SLC38A9: variants seen among roughly 807,000 people sequenced by gnomAD.
SLC38A9 encodes neutral amino acid transporter 9.
SLC38A9 carries 48 observed loss-of-function variants against 62.3 expected under a neutral mutation model. That is an observed-to-expected ratio of 0.77 (90% confidence interval 0.61 to 0.98). SLC38A9 has a LOEUF of 0.98. Ranked by LOEUF, SLC38A9 falls within the 50% of genes least tolerant of loss-of-function variation. The pLI is 0.00. For missense variants in SLC38A9, 541 were observed against 679.8 expected, an observed-to-expected ratio of 0.80 and a Z score of 2.27; for synonymous variants, 204 against 227.7, an observed-to-expected ratio of 0.90 and a Z score of 0.94.
At chr5:55,632,299 A>G (rs112687568) in intron 14 of SLC38A9, among the ~76,000 whole-genome samples, 5,956 of 152,124 alleles carry the variant, frequency 0.039, 155 homozygotes, top group African/African-American at 0.082. Context: ...TTAGCCGGGC[A>G]TGGTGGTGGG....
intron 7 of SLC38A9, among the ~76,000 whole-genome samples, chr5:55,667,493 T>C (rs1313874254): frequency 6.6e-6 from 1 of 152,186 alleles, no homozygotes; most frequent in African/African-American, 2.4e-5. Flanking sequence ...TTTGTTAATG[T>C]AGTGAATTAT....
intron 3 of SLC38A9, among the ~76,000 whole-genome samples, chr5:55,680,114 T>A (rs960206349): frequency 3.3e-5 from 5 of 151,916 alleles, no homozygotes; most frequent in Admixed American, 6.6e-5. Flanking sequence ...GAAATAAAAG[T>A]GGGGAATAAG....
chr5:55,690,068 C>A (rs1754505295), intron 3 of SLC38A9, among the ~76,000 whole-genome samples: 1 of 151,986 alleles, frequency 6.6e-6, no homozygotes, highest in South Asian at 2.1e-4. Flanking sequence ...TATATAAGGA[C>A]AATGAATTTG....
chr5:55,680,949 C>T (rs998037393), intron 3 of SLC38A9, among the ~76,000 whole-genome samples: 1 of 152,184 alleles, frequency 6.6e-6, no homozygotes, highest in African/African-American at 2.4e-5. Flanking sequence ...GTGAAACCTG[C>T]CCTGCCAACT....
intron 11 of SLC38A9, 89 bp downstream of exon 11, chr5:55,649,117 TA>T (rs35843566): frequency 0.62 from 347,958 of 557,488 alleles, 107,685 homozygotes; most frequent in South Asian, 0.67. Context: ...ATGCTCAGCA[TA>T]AAAAAAAAAT....
intron 12 of SLC38A9, among the ~76,000 whole-genome samples, chr5:55,641,671 T>G (rs910870967): frequency 6.6e-6 from 1 of 152,274 alleles, no homozygotes; most frequent in Non-Finnish European, 1.5e-5. Flanking sequence ...ATCCATTTTT[T>G]GTAAAATATC....
intron 2 of SLC38A9, among the ~76,000 whole-genome samples, chr5:55,710,366 C>G (rs1014287469): frequency 6.6e-6 from 1 of 151,802 alleles, no homozygotes; most frequent in Non-Finnish European, 1.5e-5. Context: ...TACCACCACA[C>G]CTGGCTGATT....
Position 55,697,978 on chromosome 5 carries a change from C to T in SLC38A9, c.-20G>A, listed in dbSNP as rs898433082. On this transcript the variant is annotated 5_prime_UTR_variant, in exon 3 of 16. In the 5' UTR this introduces an upstream ATG that the reference lacks. Transcript: ENST00000396865. Reference sequence around the variant, plus strand: ...TGCCATTTTTCTCACACTCTAAGCACTGAAGAAGTTAGTCCTACACAAAGA... The same window carrying T: ...TGCCATTTTTCTCACACTCTAAGCATTGAAGAAGTTAGTCCTACACAAAGA... 2.2e-5 allele frequency: 28 copies of T among 1,294,970 alleles called. No individual in the cohort carries two copies. Among genetic ancestry groups the T allele is most frequent in the Middle Eastern group, 1.8e-4 (1 of 5,434 alleles). The allele number at this position is 1,294,970 out of a possible 1,614,324, so 80.2% of individuals were successfully genotyped here.
intron 8 of SLC38A9, among the ~76,000 whole-genome samples, chr5:55,657,219 C>T (rs908252180): frequency 6.6e-6 from 1 of 152,114 alleles, no homozygotes; most frequent in Non-Finnish European, 1.5e-5. Context: ...CATAGCTTCA[C>T]CTTCTATAGT....
intron 2 of SLC38A9, among the ~76,000 whole-genome samples, chr5:55,705,442 AAAAAAAAAAG>A (rs1169557156): frequency 6.6e-6 from 1 of 150,486 alleles, no homozygotes; most frequent in Non-Finnish European, 1.5e-5. Flanking sequence ...CATATTACAA[AAAAAAAAAAG>A]AAAGAAAGAA....
At chr5:55,676,376 G>A (rs971149447) in intron 3 of SLC38A9, among the ~76,000 whole-genome samples, 3 of 152,018 alleles carry the variant, frequency 2.0e-5, no homozygotes, top group East Asian at 1.9e-4. Context: ...ACAGGGTCTC[G>A]CCATATTGCC....
intron 3 of SLC38A9, 37 bp from the exon 4 acceptor site, chr5:55,672,732 G>T: frequency 6.3e-7 from 1 of 1,585,624 alleles, no homozygotes; most frequent in Non-Finnish European, 8.6e-7. Flanking sequence ...AAAGTGTTCA[G>T]CCAAAAATTC....
chr5:55,643,972 A>T (rs1438544735), intron 12 of SLC38A9, among the ~76,000 whole-genome samples: 1 of 144,288 alleles, frequency 6.9e-6, no homozygotes, highest in Non-Finnish European at 1.6e-5. Context: ...TTATTTATTT[A>T]TTTTTTGAGA....
intron 2 of SLC38A9, among the ~76,000 whole-genome samples, chr5:55,705,449 AAAG>A (rs1312969155): frequency 4.5e-4 from 68 of 150,954 alleles, no homozygotes; most frequent in African/African-American, 8.4e-4. Context: ...CAAAAAAAAA[AAAG>A]AAAGAAAGAA....
chr5:55,667,062 GT>G (rs1489513937), intron 7 of SLC38A9, among the ~76,000 whole-genome samples: 1 of 152,086 alleles, frequency 6.6e-6, no homozygotes, highest in East Asian at 1.9e-4. Context: ...AGGCGTGGTG[GT>G]GGGCGCCTGT....
rs62363572 is a variant in SLC38A9, at chr5:55,695,474, T to C, written c.113+2372A>G. 6.4e-5 allele frequency among the ~76,000 whole-genome samples: 6 copies of C among 93,806 alleles called. 1 individual carries two copies. In the East Asian group the frequency reaches 1.0e-3, roughly 16 times the overall value. The allele number at this position is 93,806 out of a possible 152,430, so 61.5% of individuals were successfully genotyped here. A position where few individuals can be genotyped will look rare whatever the true frequency, so the allele number is the denominator to read the frequency against. ...ATTAGGGAGTGGTGATGGCTCTTAA[T>C]GAGCATGCTGCCTTCAAGCATCTGT... is the stretch of plus-strand genomic sequence containing the variant. On this transcript the variant is annotated intron_variant, in intron 3 of 15. Transcript: ENST00000396865.
chr5:55,701,296 A>T (rs560823552), intron 2 of SLC38A9, among the ~76,000 whole-genome samples: 1 of 152,298 alleles, frequency 6.6e-6, no homozygotes, highest in South Asian at 2.1e-4. Context: ...GCTAGATGTA[A>T]TAGACAGCTC....
At chr5:55,694,503 TGG>T (rs1251637392) in intron 3 of SLC38A9, among the ~76,000 whole-genome samples, 2 of 143,692 alleles carry the variant, frequency 1.4e-5, no homozygotes, top group Non-Finnish European at 3.1e-5. Flanking sequence ...TGTGTGTGTG[TGG>T]TGGGGGAAAC....
chr5:55,635,547 C>T lies in SLC38A9; in HGVS notation c.1278G>A (p.Glu426=). Residue 426 remains glutamate (E), a synonymous_variant, in exon 13 of 16, where the codon GAG becomes GAA. Transcript: ENST00000396865. The part of the protein sequence containing the change: ...PSPPLSKDCI[E]QNFLDNFPSS... ...GAGAGGGTACACGGTGCCTTACCTG[C>T]TCAATACAATCTTTGGATAATGGTG... 1 of 1,608,254 alleles carries T rather than the reference C, an allele frequency of 6.2e-7. No individual in the cohort carries two copies.
Sources: gnomAD v4.1 joint callset for allele counts (sites outside exome capture counted in the v4.1 genomes callset) on GRCh38, gnomAD v4.1.1 for gene constraint, MANE v1.5 for transcripts, NCBI Gene and HGNC (gene_info 2026-07-23, HGNC 2026-07-21) for gene names.